The following ATP6V1C2 variants were observed in gnomAD, a reference collection of about 807,000 sequenced individuals.
The protein encoded by ATP6V1C2 is V-type proton ATPase subunit C 2.
Under a neutral mutation model 56.8 loss-of-function variants are expected in ATP6V1C2, and 45 were observed. That is an observed-to-expected ratio of 0.79 (90% CI 0.62 to 1.02). ATP6V1C2 has a LOEUF of 1.02. ATP6V1C2 is among the 50% of genes least tolerant of loss of function. The probability of loss-of-function intolerance (pLI) is 0.00; values close to 1 mark genes in which losing one functional copy is unlikely to be tolerated. For synonymous variants in ATP6V1C2, 220 were observed against 201.3 expected (o/e 1.09, Z -0.79); for missense variants, 463 against 519.7 (o/e 0.89, Z 1.06).
At chr2:10,745,606 G>A (rs547133761) in intron 3 of ATP6V1C2, among the ~76,000 whole-genome samples, 65 of 152,248 alleles carry the variant, frequency 4.3e-4, no homozygotes, top group Middle Eastern at 6.8e-3. Flanking sequence ...CTCCTAAAGT[G>A]CTGGGTTTAC....
chr2:10,755,606 AAC>A (rs1663505899), intron 4 of ATP6V1C2, among the ~76,000 whole-genome samples: 2 of 152,168 alleles, frequency 1.3e-5, no homozygotes, highest in South Asian at 4.1e-4. Flanking sequence ...GCTGCAGATA[AAC>A]ACAGGGTCCA....
In ATP6V1C2 at chr2:10,780,973, G is replaced by A. The variant is rs1327069608; in HGVS notation, c.1062-1270G>A. Among the ~76,000 whole-genome samples, 3 of 152,154 alleles carry A rather than the reference G, an allele frequency of 2.0e-5. No homozygotes were observed. Among genetic ancestry groups the A allele is most frequent in the African/African-American group, 7.2e-5 (3 of 41,432 alleles). ...TTGGCCAGGCTGGTCTTGAACTCCT[G>A]ACCTCAGGTGATCCAGCCTGCCTTG... On this transcript the variant is annotated intron_variant, in intron 12 of 13. Transcript: ENST00000272238. The surrounding 1 kb of genome is among the most constrained non-coding windows in gnomAD (Gnocchi z 4.1).
At chr2:10,748,166 G>GAT (rs1201128685) in intron 3 of ATP6V1C2, among the ~76,000 whole-genome samples, 2 of 152,194 alleles carry the variant, frequency 1.3e-5, no homozygotes, top group Admixed American at 1.3e-4. Context: ...AAAGTGCTGG[G>GAT]ATTACAGGTG....
Position 10,780,648 on chromosome 2 carries a change from AGGCCTAAC to A in ATP6V1C2, c.1062-1586_1062-1579del, listed in dbSNP as rs370055645. On this transcript the variant is annotated intron_variant, in intron 12 of 13. Transcript: ENST00000272238. This position sits in a 1 kb window ranked among gnomAD's most constrained non-coding sequence, Gnocchi z 4.1. ...CCCGGCTCAGAAGTCGGTTGCTCTC[AGGCCTAAC>A]GGCCTAACACAGTGAAGCCTGTCCA... is the stretch of plus-strand genomic sequence containing the variant. 3.7e-3 allele frequency among the ~76,000 whole-genome samples: 566 copies of A among 152,268 alleles called. 5 individuals are homozygous for A. Among genetic ancestry groups the A allele is most frequent in the African/African-American group, 0.013 (547 of 41,544 alleles).
chr2:10,776,815 C>T (rs1255693746), intron 10 of ATP6V1C2, among the ~76,000 whole-genome samples: 1 of 152,182 alleles, frequency 6.6e-6, no homozygotes, highest in East Asian at 1.9e-4. Context: ...CCACGTGGGG[C>T]TCAGGTTGCC....
At chr2:10,764,449 G>C in intron 5 of ATP6V1C2, 24 bp downstream of exon 5, 1 of 1,603,624 alleles carries the variant, frequency 6.2e-7, no homozygotes, top group Non-Finnish European at 8.5e-7. Flanking sequence ...CTGCTCTGGG[G>C]AACAGCTGAC....
In ATP6V1C2 at chr2:10,722,844, G is replaced by A; in HGVS notation, c.-6G>A. ...GGCAGTCACTGGGTAAGAGAAGACTGGAAGCATGTCGGAGTTTTGGTTAAT... is the reference window on the plus strand; with the variant it reads ...GGCAGTCACTGGGTAAGAGAAGACTAGAAGCATGTCGGAGTTTTGGTTAAT... On this transcript the variant is annotated 5_prime_UTR_variant, in exon 2 of 14. Coordinates refer to ENST00000272238, the MANE Select transcript of ATP6V1C2 (RefSeq NM_001039362.2). 6.2e-7 allele frequency: 1 copy of A among 1,613,940 alleles called. No homozygotes were observed.
chr2:10,740,482 A>G (rs552817125), intron 3 of ATP6V1C2, among the ~76,000 whole-genome samples: 4 of 152,184 alleles, frequency 2.6e-5, no homozygotes, highest in Admixed American at 6.5e-5. Flanking sequence ...AGGACCTGCA[A>G]TTGTTCTCAG....
chr2:10,733,520 G>T (rs1662078374), intron 3 of ATP6V1C2, among the ~76,000 whole-genome samples: 2 of 152,004 alleles, frequency 1.3e-5, no homozygotes, highest in Non-Finnish European at 2.9e-5. Flanking sequence ...GGCAGCTTTT[G>T]CTTACGAGAG....
At chr2:10,777,515 G>T in intron 10 of ATP6V1C2, 70 bp from the exon 11 acceptor site, 1 of 1,570,340 alleles carries the variant, frequency 6.4e-7, no homozygotes, top group Non-Finnish European at 8.6e-7. Context: ...CCTTTCAGGC[G>T]ATGAGAATGA....
intron 4 of ATP6V1C2, among the ~76,000 whole-genome samples, chr2:10,759,576 CT>C (rs983840245): frequency 6.6e-6 from 1 of 152,152 alleles, no homozygotes; most frequent in Admixed American, 6.5e-5. Context: ...CAGCCAAGGT[CT>C]GCGTTGCCCC....
At chr2:10,743,412 G>T (rs10153839) in intron 3 of ATP6V1C2, among the ~76,000 whole-genome samples, 150,980 of 151,516 alleles carry the variant, frequency 1, 75,225 homozygotes, top group Middle Eastern at 1. Context: ...ATCTCATTCT[G>T]TTTTAGAGAC....
chr2:10,722,686 C>A, intron 1 of ATP6V1C2, 138 bp from the exon 2 acceptor site: 2 of 938,528 alleles, frequency 2.1e-6, no homozygotes, highest in East Asian at 2.6e-5. Context: ...GAGATAAGAG[C>A]TTTGCTTTTG....
At chr2:10,737,035 C>A (rs554330314) in intron 3 of ATP6V1C2, among the ~76,000 whole-genome samples, 3 of 151,856 alleles carry the variant, frequency 2.0e-5, no homozygotes, top group South Asian at 2.1e-4. Flanking sequence ...AGGCATGAAC[C>A]GCTGTCCTCA....
intron 3 of ATP6V1C2, among the ~76,000 whole-genome samples, chr2:10,731,933 A>C (rs993912978): frequency 6.6e-6 from 1 of 152,036 alleles, no homozygotes; most frequent in Non-Finnish European, 1.5e-5. Flanking sequence ...AGATCACACC[A>C]CTGCACTCCA....
At chr2:10,770,212 A>G (rs1664500999) in intron 6 of ATP6V1C2, among the ~76,000 whole-genome samples, 1 of 152,184 alleles carries the variant, frequency 6.6e-6, no homozygotes. Flanking sequence ...CAGCCTGACC[A>G]ACATAGAGGA....
intron 3 of ATP6V1C2, among the ~76,000 whole-genome samples, chr2:10,732,925 T>C (rs1417454931): frequency 1.3e-5 from 2 of 149,454 alleles, no homozygotes; most frequent in Admixed American, 6.7e-5. Context: ...GAGCCGAGAT[T>C]GTGCCGCTGC....
At chr2:10,723,284 G>C (rs180819363) in intron 2 of ATP6V1C2, among the ~76,000 whole-genome samples, 9 of 152,318 alleles carry the variant, frequency 5.9e-5, no homozygotes, top group African/African-American at 2.2e-4. Context: ...TGCACACTCA[G>C]GTTCTCTTGG....
At chr2:10,723,348 A>G (rs1398537814) in intron 2 of ATP6V1C2, among the ~76,000 whole-genome samples, 1 of 152,086 alleles carries the variant, frequency 6.6e-6, no homozygotes, top group Non-Finnish European at 1.5e-5. Flanking sequence ...GACCCACCAT[A>G]TAGTTTAGAT....
Sources: allele counts gnomAD v4.1 joint callset (sites outside exome capture counted in the v4.1 genomes callset), GRCh38; gene constraint gnomAD v4.1.1; non-coding constraint Gnocchi (gnomAD v3.1); transcripts MANE v1.5; gene names NCBI Gene and HGNC (gene_info 2026-07-23, HGNC 2026-07-21).